GRIN2C: variants seen among roughly 807,000 people sequenced by gnomAD.
The protein encoded by GRIN2C is glutamate receptor ionotropic, NMDA 2C.
In GRIN2C, 64 loss-of-function variants were observed where a neutral mutation model predicts 77.7. That is an observed-to-expected ratio of 0.82 (90% CI 0.67 to 1.01). The LOEUF is 1.01. Ranked by LOEUF, GRIN2C falls within the 50% of genes least tolerant of loss-of-function variation. The pLI, the probability that GRIN2C is intolerant of heterozygous loss-of-function variation, is 0.00. For synonymous variants in GRIN2C, 792 were observed against 643.4 expected, an observed-to-expected ratio of 1.23 and a Z score of -3.49; for missense variants, 1,549 against 1,486.0, an observed-to-expected ratio of 1.04 and a Z score of -0.70.
rs1392329859 is a variant in GRIN2C, at chr17:74,851,619, G to T, written c.1071C>A (p.Thr357=). The change falls in exon 4 of 13, where the codon ACC becomes ACA. Residue 357 remains threonine (T), a synonymous_variant. Coordinates refer to ENST00000293190, the MANE Select transcript of GRIN2C (RefSeq NM_000835.6). The part of the protein sequence containing the change: ...FSPGGYLVQP[T]MVVIALNRHR... ...GCCGGTTGAGGGCGATCACCACCAT[G>T]GTGGGCTGGACCAGGTACCCACCAG... is the stretch of plus-strand genomic sequence containing the variant. The T allele has an allele frequency of 6.4e-7, 1 of 1,569,602 alleles. No individual in the cohort carries two copies. Among genetic ancestry groups the T allele is most frequent in the South Asian group, 1.2e-5 (1 of 85,552 alleles).
intron 12 of GRIN2C, chr17:74,843,966 T>C (rs1291672408): frequency 2.0e-6 from 1 of 511,348 alleles, no homozygotes; most frequent in African/African-American, 1.9e-5. Context: ...CTCTGCCTTC[T>C]TGGCTCAAGC....
chr17:74,854,604 T>G, intron 2 of GRIN2C, 90 bp downstream of exon 2: 1 of 1,095,410 alleles, frequency 9.1e-7, no homozygotes, highest in Non-Finnish European at 1.4e-6. Flanking sequence ...GCCCATCCCG[T>G]CTAATCCCAG....
chr17:74,849,831 T>C lies in GRIN2C; in HGVS notation c.1594A>G (p.Ser532Gly), dbSNP rs1328041271. ...CCATTGCTGCGAGCCACCATCACAC[T>C]GATGCCCGTCTCCACAAAGGGTACA... Reference protein sequence around the residue: ...FSVPFVETGISVMVARSNGTV... With the variant: ...FSVPFVETGIGVMVARSNGTV... Residue 532 changes from serine (S) to glycine (G), a missense_variant, in exon 7 of 13, where the codon AGT (serine) becomes GGT (glycine). Ser to Gly is a moderately conservative substitution (Grantham distance 56). This residue lies in a region of GRIN2C where 717 missense variants were observed against 858.1 expected (regional missense o/e 0.84). Coordinates refer to ENST00000293190, the MANE Select transcript of GRIN2C (RefSeq NM_000835.6). The surrounding 1 kb of genome is among the most constrained non-coding windows in gnomAD (Gnocchi z 4.6). 1.2e-6 allele frequency: 2 copies of C among 1,613,470 alleles called. No individual in the cohort carries two copies. The highest frequency in any genetic ancestry group is 1.7e-5 in the Admixed American group (1 of 59,864).
chr17:74,860,225 C>G (rs2037921240), upstream of GRIN2C, among the ~76,000 whole-genome samples: 1 of 152,232 alleles, frequency 6.6e-6, no homozygotes, highest in Admixed American at 6.5e-5. Context: ...ACCGCCAAGA[C>G]CTGGACGGGC....
chr17:74,850,763 C>T lies in GRIN2C; in HGVS notation c.1118G>A (p.Gly373Glu). The T allele has an allele frequency of 6.2e-7, 1 of 1,610,804 alleles. No individual in the cohort carries two copies. Among genetic ancestry groups the T allele is most frequent in the South Asian group, 1.1e-5 (1 of 90,798 alleles). Reference protein sequence around the residue: ...LNRHRLWEMVGRWEHGVLYMK... With the variant: ...LNRHRLWEMVERWEHGVLYMK... ...GTATAGGACGCCATGCTCCCAGCGC[C>T]CCACCTGTGGAGGGTGACAGCCTCA... The change falls in exon 5 of 13, where the codon GGG (glycine) becomes GAG (glutamate). Residue 373 changes from glycine to glutamate, a missense_variant. Physicochemically the swap from Gly to Glu is moderately conservative, Grantham distance 98 (BLOSUM62 -2). Around this residue, in one of 3 missense-constraint regions of GRIN2C, gnomAD observed 717 missense variants for 858.1 expected, o/e 0.84. Coordinates refer to ENST00000293190, the MANE Select transcript of GRIN2C (RefSeq NM_000835.6). The surrounding 1 kb of genome is among the most constrained non-coding windows in gnomAD (Gnocchi z 5.3).
intron 12 of GRIN2C, 108 bp from the exon 13 acceptor site, chr17:74,843,661 G>T: frequency 7.2e-7 from 1 of 1,395,276 alleles, no homozygotes; most frequent in Non-Finnish European, 9.6e-7. Context: ...ATAAGTCTCA[G>T]GAAGTAGCTA....
In GRIN2C at chr17:74,850,752, G is replaced by C. The variant is rs749642179; in HGVS notation, c.1129C>G (p.His377Asp). 7.4e-6 allele frequency: 12 copies of C among 1,612,196 alleles called. No individual in the cohort carries two copies. The highest frequency in any genetic ancestry group is 1.3e-5 in the African/African-American group (1 of 75,008). ...RLWEMVGRWEHGVLYMKYPVW... is the reference protein window; with the variant it reads ...RLWEMVGRWEDGVLYMKYPVW... ...GGGTACTTCATGTATAGGACGCCAT[G>C]CTCCCAGCGCCCCACCTGTGGAGGG... Residue 377 changes from histidine (H) to aspartate (D), a missense_variant, in exon 5 of 13, where the codon CAT (histidine) becomes GAT (aspartate). Transcript: ENST00000293190. This position sits in a 1 kb window ranked among gnomAD's most constrained non-coding sequence, Gnocchi z 5.3.
chr17:74,854,668 G>A (rs1207794063), intron 2 of GRIN2C, 26 bp downstream of exon 2: 7 of 1,588,312 alleles, frequency 4.4e-6, no homozygotes, highest in Middle Eastern at 1.7e-4. Context: ...CCTGAGGCAC[G>A]AGGGGACATG....
In GRIN2C at chr17:74,852,502, C is replaced by T; in HGVS notation, c.509G>A (p.Ser170Asn). The part of the protein sequence containing the change: ...YDWSAFAVIT[S>N]LHPGHALFLE... The stretch of plus-strand genomic sequence containing the variant: ...GAAGAGCGCGTGGCCCGGGTGCAGG[C>T]TGGTGATGACGGCGAAGGCGCTCCA... Residue 170 changes from serine (S) to asparagine (N), a missense_variant, in exon 3 of 13, where the codon AGC becomes AAC. By Grantham distance (46) the Ser-to-Asn change is conservative. Transcript: ENST00000293190. 6.4e-7 allele frequency: 1 copy of T among 1,569,320 alleles called. No homozygotes were observed. Among genetic ancestry groups the T allele is most frequent in the Admixed American group, 1.8e-5 (1 of 56,492 alleles).
upstream of GRIN2C, chr17:74,860,556 C>A: frequency 2.2e-6 from 1 of 451,162 alleles, no homozygotes; most frequent in Non-Finnish European, 4.5e-6. Flanking sequence ...ACAGGAGACT[C>A]GGGGCTTCCC....
rs1271589188 is a variant in GRIN2C, at chr17:74,842,619, C to T, written c.3518G>A (p.Ser1173Asn). 4 of 760,010 alleles carry T rather than the reference C, an allele frequency of 5.3e-6. No homozygotes were observed. The African/African-American group carries it at 6.8e-5, about 13-fold the overall frequency. The allele number at this position is 760,010 out of a possible 1,614,324, so 47.1% of individuals were successfully genotyped here. A position where few individuals can be genotyped will look rare whatever the true frequency, so the allele number is the denominator to read the frequency against. Residue 1173 changes from serine (S) to asparagine (N), a missense_variant, in exon 13 of 13, where the codon AGC becomes AAC. Ser to Asn is a conservative substitution (Grantham distance 46). Around this residue, in one of 3 missense-constraint regions of GRIN2C, gnomAD observed 450 missense variants for 267.9 expected, o/e 1.68. Transcript: ENST00000293190. ...AVCPHLPPCA[S>N]HGSWLSGAWG... ...GGCCCCGGAGAGCCAGGAGCCGTGG[C>T]TGGCACAGGGTGGAAGGTGAGGACA... is the stretch of plus-strand genomic sequence containing the variant.
chr17:74,847,907 G>A lies in GRIN2C; in HGVS notation c.1716C>T (p.Phe572=), dbSNP rs1357950813. Residue 572 remains phenylalanine, a synonymous_variant, in exon 8 of 13, where the codon TTC becomes TTT. Coordinates refer to ENST00000293190, the MANE Select transcript of GRIN2C (RefSeq NM_000835.6). This position sits in a 1 kb window ranked among gnomAD's most constrained non-coding sequence, Gnocchi z 5.2. The part of the protein sequence containing the change: ...MCLTVVAITV[F]MFEYFSPVSY... ...TGACAGGGCTGAAGTACTCGAACAT[G>A]AAGACGGTGATGGCCACCACAGTGA... 1.2e-6 allele frequency: 2 copies of A among 1,613,916 alleles called. No individual in the cohort carries two copies. Among genetic ancestry groups the A allele is most frequent in the African/African-American group, 1.3e-5 (1 of 74,898 alleles).
In GRIN2C at chr17:74,846,301, G is replaced by A. The variant is rs1447457809; in HGVS notation, c.2163-48C>T. ...AGCTAGGGACCATATGGGAGGGGAG[G>A]GGACACCGAAACTGGGGCGTGACAG... On this transcript the variant is annotated intron_variant, in intron 10 of 12. Coordinates refer to ENST00000293190, the MANE Select transcript of GRIN2C (RefSeq NM_000835.6). This position sits in a 1 kb window ranked among gnomAD's most constrained non-coding sequence, Gnocchi z 4.4. 1.9e-6 allele frequency: 3 copies of A among 1,557,358 alleles called. No individual in the cohort carries two copies. Among genetic ancestry groups the A allele is most frequent in the South Asian group, 1.1e-5 (1 of 89,588 alleles).
rs1436225513 is a variant in GRIN2C, at chr17:74,852,411, C to T, written c.600G>A (p.Thr200=). Residue 200 remains threonine, a synonymous_variant, in exon 3 of 13, where the codon ACG becomes ACA. Transcript: ENST00000293190. ...GCGGCCCTCCCGGGCCCAGCTCCAG[C>T]GTGACCACGTCCAGCAGCCGCCAAC... ...HVSWRLLDVV[T]LELGPGGPRA... The T allele has an allele frequency of 6.7e-7, 1 of 1,501,664 alleles. No individual in the cohort carries two copies. Among genetic ancestry groups the T allele is most frequent in the Non-Finnish European group, 8.8e-7 (1 of 1,133,028 alleles). 93.0% of individuals were successfully genotyped at this position (1,501,664 alleles called of 1,614,324 possible). A position where few individuals can be genotyped will look rare whatever the true frequency, so the allele number is the denominator to read the frequency against.
chr17:74,842,782 G>A lies in GRIN2C; in HGVS notation c.3355C>T (p.Gln1119Ter), dbSNP rs980973301. 2 of 656,524 alleles carry A rather than the reference G, an allele frequency of 3.0e-6. No individual in the cohort carries two copies. Among genetic ancestry groups the A allele is most frequent in the Non-Finnish European group, 5.5e-6 (2 of 364,220 alleles). The allele number at this position is 656,524 out of a possible 1,614,324, so 40.7% of individuals were successfully genotyped here. ...ATCGGCAAGCACATCGACTGCGCCT[G>A]CGCCAAGCGCCTGCAGGCCGAGTGG... ...DGHSACRRLA[Q>*]AQSMCLPIYR... Residue 1119 changes from glutamine (Q) to a stop codon, truncating the protein, a stop_gained, in exon 13 of 13, where the codon CAG (glutamine) becomes TAG (stop). Transcript: ENST00000293190. LOFTEE classifies it low-confidence loss of function (END_TRUNC).
rs1161057621 is a variant in GRIN2C, at chr17:74,843,279, G to T, written c.2858C>A (p.Pro953Gln). ...TCCCCAGCCCGTGGGGCTCGGCTCT[G>T]GGGGCGGGTCGGGGGTGGGCAGGCA... is the stretch of plus-strand genomic sequence containing the variant. ...SPCLPTPDPPPEPSPTGWGPP... is the reference protein window; with the variant it reads ...SPCLPTPDPPQEPSPTGWGPP... Residue 953 changes from proline to glutamine, a missense_variant, in exon 13 of 13, where the codon CCA becomes CAA. Pro to Gln is a moderately conservative substitution (Grantham distance 76, BLOSUM62 -1). Around this residue, in one of 3 missense-constraint regions of GRIN2C, gnomAD observed 450 missense variants for 267.9 expected, o/e 1.68. Transcript: ENST00000293190. The T allele has an allele frequency of 9.8e-7, 1 of 1,023,212 alleles. No individual in the cohort carries two copies. The highest frequency in any genetic ancestry group is 1.4e-6 in the Non-Finnish European group (1 of 740,518). 63.4% of individuals were successfully genotyped at this position (1,023,212 alleles called of 1,614,324 possible). A position where few individuals can be genotyped will look rare whatever the true frequency, so the allele number is the denominator to read the frequency against.
intron 1 of GRIN2C, among the ~76,000 whole-genome samples, chr17:74,858,575 C>A (rs1389230739): frequency 6.6e-6 from 1 of 150,898 alleles, no homozygotes; most frequent in Non-Finnish European, 1.5e-5. Flanking sequence ...CACTTTCCCC[C>A]GCCACAATCT....
rs115634904 is a variant in GRIN2C at position 74,849,071 on chromosome 17, G to C, written c.1645+709C>G. On this transcript the variant is annotated intron_variant, in intron 7 of 12. Transcript: ENST00000293190. This position sits in a 1 kb window ranked among gnomAD's most constrained non-coding sequence, Gnocchi z 4.6. Reference sequence around the variant, plus strand: ...GAAGAGTGGGAAGGAGAGAGGGAGGGAGGGAGGGAAATCAATCCTGCCATG... The same window carrying C: ...GAAGAGTGGGAAGGAGAGAGGGAGGCAGGGAGGGAAATCAATCCTGCCATG... 0.028 allele frequency among the ~76,000 whole-genome samples: 4,171 copies of C among 148,920 alleles called. 185 individuals carry two copies. The highest frequency in any genetic ancestry group is 0.096 in the African/African-American group (3,930 of 41,030).
chr17:74,859,748 G>C lies in GRIN2C; in HGVS notation c.-20C>G, dbSNP rs1048390855. On this transcript the variant is annotated 5_prime_UTR_variant, in exon 1 of 13. Transcript: ENST00000293190. The surrounding 1 kb of genome is among the most constrained non-coding windows in gnomAD (Gnocchi z 5.9). ...CCCTCCGCAGCAATCTCTTACACTC[G>C]GGCTGTGAAGTTCGGGGTATTTTTA... 1 of 152,528 alleles carries C rather than the reference G, an allele frequency of 6.6e-6. No individual in the cohort carries two copies. Among genetic ancestry groups the C allele is most frequent in the African/African-American group, 2.4e-5 (1 of 41,378 alleles). The allele number at this position is 152,528 out of a possible 1,614,324, so 9.4% of individuals were successfully genotyped here.
Sources: allele counts gnomAD v4.1 joint callset (sites outside exome capture counted in the v4.1 genomes callset), GRCh38; gene constraint gnomAD v4.1.1; regional missense constraint gnomAD v4.1.1; non-coding constraint Gnocchi (gnomAD v3.1); transcripts MANE v1.5; gene names NCBI Gene and HGNC (gene_info 2026-07-23, HGNC 2026-07-21).